The following PLPPR1 variants were observed in gnomAD, a reference collection of about 807,000 sequenced individuals.
PLPPR1 encodes phospholipid phosphatase-related protein type 1.
A neutral mutation model predicts 33.1 loss-of-function variants in PLPPR1; 10 were observed. The ratio of observed to expected loss-of-function variants is 0.30; its 90% CI spans 0.19 to 0.51. PLPPR1 has a LOEUF of 0.51. PLPPR1 is among the 20% of genes least tolerant of loss of function. The pLI is 0.97. For synonymous variants in PLPPR1, 151 were observed against 151.0 expected (o/e 1.00, Z 0.00); for missense variants, 304 against 408.1 (o/e 0.74, Z 2.20).
Position 101,094,047 on chromosome 9 carries a change from T to C in PLPPR1, c.-46+64945T>C, listed in dbSNP as rs567191103. On this transcript the variant is annotated intron_variant, in intron 1 of 7. Coordinates refer to ENST00000374874, the MANE Select transcript of PLPPR1 (RefSeq NM_207299.2). ...AGGGCATCATCATCATCCATCTGAA[T>C]TGCAGCCAGAATATTCTAGTAAGCT... Among the ~76,000 whole-genome samples, 4 of 152,320 alleles carry C rather than the reference T, an allele frequency of 2.6e-5. No homozygotes were observed. The East Asian group carries it at 7.7e-4, about 29-fold the overall frequency.
At chr9:101,150,556 A>C (rs1002519725) in intron 1 of PLPPR1, among the ~76,000 whole-genome samples, 3 of 152,134 alleles carry the variant, frequency 2.0e-5, no homozygotes, top group Non-Finnish European at 1.5e-5. Context: ...TGTGTTTGTT[A>C]TTTATTTTAA....
intron 1 of PLPPR1, among the ~76,000 whole-genome samples, chr9:101,170,212 G>T (rs1459979821): frequency 2.6e-5 from 4 of 152,040 alleles, no homozygotes; most frequent in Non-Finnish European, 5.9e-5. Flanking sequence ...ATAAAGATAT[G>T]AAACAATTAC....
At chr9:101,209,620 A>C (rs1227489643) in intron 2 of PLPPR1, among the ~76,000 whole-genome samples, 1 of 152,228 alleles carries the variant, frequency 6.6e-6, no homozygotes, top group Non-Finnish European at 1.5e-5. Context: ...TTAAACCATG[A>C]AGATGAATAG....
At chr9:101,115,007 G>A (rs1426218860) in intron 1 of PLPPR1, among the ~76,000 whole-genome samples, 1 of 152,162 alleles carries the variant, frequency 6.6e-6, no homozygotes, top group African/African-American at 2.4e-5. Context: ...TCTCAGCATA[G>A]TGTGAGCCCT....
intron 1 of PLPPR1, among the ~76,000 whole-genome samples, chr9:101,144,168 A>G (rs1831492135): frequency 6.6e-6 from 1 of 152,162 alleles, no homozygotes; most frequent in African/African-American, 2.4e-5. Flanking sequence ...TCATAAGGAC[A>G]GAAAACCAAA....
Position 101,039,662 on chromosome 9 carries a change from C to T in PLPPR1, c.-46+10560C>T, listed in dbSNP as rs190580745. 3.6e-4 allele frequency among the ~76,000 whole-genome samples: 55 copies of T among 152,250 alleles called. 1 individual carries two copies. Among genetic ancestry groups the T allele is most frequent in the African/African-American group, 1.3e-3 (54 of 41,542 alleles). On this transcript the variant is annotated intron_variant, in intron 1 of 7. Coordinates refer to ENST00000374874, the MANE Select transcript of PLPPR1 (RefSeq NM_207299.2). ...CACGTGGCTGGGGAAGCCTCACAAT[C>T]ATGGCAGAAGGCAAGGAGGAGCAAG...
At chr9:101,029,764 T>A (rs1379710163) in intron 1 of PLPPR1, among the ~76,000 whole-genome samples, 3 of 152,060 alleles carry the variant, frequency 2.0e-5, no homozygotes, top group African/African-American at 4.8e-5. Flanking sequence ...CTTGCCATAA[T>A]CACCTCCTAG....
At chr9:101,198,040 T>A (rs1826429588) in intron 2 of PLPPR1, among the ~76,000 whole-genome samples, 2 of 152,142 alleles carry the variant, frequency 1.3e-5, no homozygotes, top group Admixed American at 6.6e-5. Context: ...TTTAGGAAAA[T>A]AAATAATACT....
At chr9:101,309,149 A>G (rs1828909761) in intron 4 of PLPPR1, 62 bp from the exon 5 acceptor site, 1 of 1,565,326 alleles carries the variant, frequency 6.4e-7, no homozygotes, top group Non-Finnish European at 8.8e-7. Flanking sequence ...GTTTTCTCTT[A>G]GGAGAAAAAT....
chr9:101,046,028 T>C (rs1307330260), intron 1 of PLPPR1, among the ~76,000 whole-genome samples: 1 of 152,096 alleles, frequency 6.6e-6, no homozygotes, highest in Admixed American at 6.5e-5. Context: ...TTACAGAAAT[T>C]TATATTAACT....
chr9:101,142,912 G>A (rs1032743980), intron 1 of PLPPR1, among the ~76,000 whole-genome samples: 35 of 152,038 alleles, frequency 2.3e-4, no homozygotes, highest in African/African-American at 7.7e-4. Context: ...CAGAGAGTGG[G>A]GTATAGTGGG....
chr9:101,106,474 G>T (rs1303541477), intron 1 of PLPPR1, among the ~76,000 whole-genome samples: 2 of 116,106 alleles, frequency 1.7e-5, no homozygotes, highest in Non-Finnish European at 3.5e-5. Context: ...TTGAATATTG[G>T]CCCCCACTCT....
intron 2 of PLPPR1, among the ~76,000 whole-genome samples, chr9:101,261,537 T>A (rs557217667): frequency 6.6e-6 from 1 of 152,252 alleles, no homozygotes; most frequent in African/African-American, 2.4e-5. Context: ...GAGGATGTCC[T>A]TCTTAACCAC....
chr9:101,304,753 T>A lies in PLPPR1; in HGVS notation c.386-4458T>A, dbSNP rs912874538. ...CGTACACAGCCCCAAGTCCAGTCCC[T>A]AGTTAGCAGGCTTCCTACTAGAGCT... On this transcript the variant is annotated intron_variant, in intron 4 of 7. Coordinates refer to ENST00000374874, the MANE Select transcript of PLPPR1 (RefSeq NM_207299.2). Among the ~76,000 whole-genome samples, 5 of 152,162 alleles carry A rather than the reference T, an allele frequency of 3.3e-5. No individual in the cohort carries two copies. The South Asian group carries it at 8.3e-4, about 25-fold the overall frequency.
intron 2 of PLPPR1, among the ~76,000 whole-genome samples, chr9:101,195,559 A>G (rs1337676344): frequency 6.6e-6 from 1 of 152,088 alleles, no homozygotes; most frequent in Non-Finnish European, 1.5e-5. Flanking sequence ...GAGGCTGAAG[A>G]GAAGATTCTA....
chr9:101,249,320 A>G (rs1056000479), intron 2 of PLPPR1, among the ~76,000 whole-genome samples: 8 of 152,078 alleles, frequency 5.3e-5, no homozygotes, highest in South Asian at 2.1e-4. Context: ...AAATCATTCA[A>G]GCATGTATTT....
intron 3 of PLPPR1, among the ~76,000 whole-genome samples, chr9:101,282,379 A>C (rs1161244553): frequency 6.6e-6 from 1 of 152,172 alleles, no homozygotes; most frequent in Non-Finnish European, 1.5e-5. Flanking sequence ...GATTTAAAAA[A>C]CCCTCAACAA....
intron 2 of PLPPR1, among the ~76,000 whole-genome samples, chr9:101,199,324 C>T (rs1257487101): frequency 6.6e-6 from 1 of 152,178 alleles, no homozygotes; most frequent in Non-Finnish European, 1.5e-5. Flanking sequence ...TGATACTTTG[C>T]AAAGCTGCTT....
chr9:101,166,234 C>T (rs1825856654), intron 1 of PLPPR1, among the ~76,000 whole-genome samples: 1 of 152,066 alleles, frequency 6.6e-6, no homozygotes, highest in Non-Finnish European at 1.5e-5. Flanking sequence ...ATAGGATTCC[C>T]TTTGACAGGA....
Sources: gnomAD v4.1 joint callset for allele counts (sites outside exome capture counted in the v4.1 genomes callset) on GRCh38, gnomAD v4.1.1 for gene constraint, MANE v1.5 for transcripts, NCBI Gene and HGNC (gene_info 2026-07-23, HGNC 2026-07-21) for gene names.